The following FKBP5 variants were observed in gnomAD, a reference collection of about 807,000 sequenced individuals.
The protein encoded by FKBP5 is peptidyl-prolyl cis-trans isomerase FKBP5.
Under a neutral mutation model 50.5 loss-of-function variants are expected in FKBP5, and 23 were observed. The ratio of observed to expected loss-of-function variants is 0.46; its 90% CI spans 0.33 to 0.65. FKBP5 has a LOEUF of 0.65. FKBP5 is among the 30% of genes least tolerant of loss of function. The pLI is 0.02. For missense variants in FKBP5, 411 were observed against 553.1 expected (o/e 0.74, Z 2.58); for synonymous variants, 176 against 190.6 (o/e 0.92, Z 0.63).
intron 2 of FKBP5, among the ~76,000 whole-genome samples, chr6:35,637,552 C>T (rs1764353057): frequency 6.7e-6 from 1 of 149,738 alleles, no homozygotes; most frequent in South Asian, 2.1e-4. Context: ...CAACCTCTGC[C>T]TCCCAGGTTG....
upstream of FKBP5, among the ~76,000 whole-genome samples, chr6:35,689,485 C>T (rs183021622): frequency 6.6e-6 from 1 of 152,202 alleles, no homozygotes; most frequent in East Asian, 1.9e-4. Flanking sequence ...AAAGACCATA[C>T]TTTCTCTTGG....
chr6:35,584,816 T>C, intron 8 of FKBP5: 1 of 985,454 alleles, frequency 1.0e-6, no homozygotes, highest in Non-Finnish European at 1.2e-6. Flanking sequence ...ATTTTTTCCA[T>C]GTGTGTGACT....
chr6:35,652,700 T>TGTCCTGTG (rs1325445719), intron 1 of FKBP5, among the ~76,000 whole-genome samples: 1 of 152,228 alleles, frequency 6.6e-6, no homozygotes, highest in African/African-American at 2.4e-5. Flanking sequence ...ATTTCGCCTC[T>TGTCCTGTG]GTCCTGTGGT....
chr6:35,634,395 T>C (rs1017283388), intron 3 of FKBP5, among the ~76,000 whole-genome samples: 1 of 152,212 alleles, frequency 6.6e-6, no homozygotes, highest in African/African-American at 2.4e-5. Flanking sequence ...TGATTTTTAC[T>C]GCTATCTTAT....
chr6:35,702,861 CTG>C (rs1328596171), intron 2 of FKBP5, among the ~76,000 whole-genome samples: 1 of 152,082 alleles, frequency 6.6e-6, no homozygotes, highest in African/African-American at 2.4e-5. Context: ...TAGAAAATCT[CTG>C]TGACTTTGTG....
intron 5 of FKBP5, among the ~76,000 whole-genome samples, chr6:35,617,181 T>C (rs1217883346): frequency 6.6e-6 from 1 of 152,212 alleles, no homozygotes; most frequent in African/African-American, 2.4e-5. Context: ...GGATAAATAA[T>C]ATTTGTAACT....
intron 7 of FKBP5, among the ~76,000 whole-genome samples, chr6:35,588,767 A>ATTTTTTTT (rs758119749): frequency 2.2e-5 from 3 of 135,712 alleles, no homozygotes; most frequent in African/African-American, 8.1e-5. Flanking sequence ...TGTCCAGCTA[A>ATTTTTTTT]TTTTTTTTTT....
In FKBP5 at chr6:35,701,289, G is replaced by A. The variant is rs530938632; in HGVS notation, c.-20+19039C>T. ...GACGGAGTCTCGCTCTGTCGCCCAG[G>A]CTGGAGTGCAGTGGCGGGATCTCGG... On this transcript the variant is annotated intron_variant, in intron 2 of 11. Coordinates refer to the FKBP5 transcript ENST00000536438. Among the ~76,000 whole-genome samples the A allele has an allele frequency of 2.5e-3, 371 of 149,392 alleles. 3 individuals carry two copies. Among genetic ancestry groups the A allele is most frequent in the African/African-American group, 8.7e-3 (353 of 40,742 alleles).
intron 9 of FKBP5, 117 bp from the exon 10 acceptor site, chr6:35,577,350 C>G: frequency 2.2e-6 from 2 of 913,918 alleles, no homozygotes; most frequent in South Asian, 1.8e-5. Context: ...AAATGGGGCT[C>G]AAGATAATTA....
At chr6:35,697,559 A>AAG (rs1489185219) in intron 2 of FKBP5, among the ~76,000 whole-genome samples, 1 of 151,864 alleles carries the variant, frequency 6.6e-6, no homozygotes, top group Non-Finnish European at 1.5e-5. Context: ...AAAAAAAAAA[A>AAG]AAAAAGAATG....
chr6:35,642,376 T>C (rs1157406376), intron 2 of FKBP5, among the ~76,000 whole-genome samples: 2 of 152,164 alleles, frequency 1.3e-5, no homozygotes, highest in South Asian at 2.1e-4. Flanking sequence ...GGTGGGAGGA[T>C]TGCTTGAGGC....
intron 9 of FKBP5, among the ~76,000 whole-genome samples, chr6:35,577,977 C>T (rs1003368944): frequency 6.7e-6 from 1 of 149,550 alleles, no homozygotes; most frequent in Non-Finnish European, 1.5e-5. Context: ...TTGCTTGAAC[C>T]AGGGAGGTGG....
intron 8 of FKBP5, chr6:35,584,564 A>G: frequency 1.0e-6 from 1 of 985,456 alleles, no homozygotes. Context: ...TTGGGAAGGG[A>G]ATATGTACAG....
intron 1 of FKBP5, among the ~76,000 whole-genome samples, chr6:35,685,654 C>A (rs1765800857): frequency 6.6e-6 from 1 of 152,116 alleles, no homozygotes; most frequent in African/African-American, 2.4e-5. Context: ...AGGAATTCTT[C>A]ATGCCGGGTA....
At chr6:35,582,409 A>G (rs955840756) in intron 8 of FKBP5, 2 of 609,542 alleles carry the variant, frequency 3.3e-6, no homozygotes, top group Non-Finnish European at 4.1e-6. Flanking sequence ...AGATGTGGTC[A>G]TGAGGGTGGG....
At chr6:35,642,870 G>A in intron 1 of FKBP5, 27 bp from the exon 2 acceptor site, 1 of 1,506,588 alleles carries the variant, frequency 6.6e-7, no homozygotes, top group Non-Finnish European at 9.2e-7. Context: ...TATTTTAGCT[G>A]GGAAAAATAT....
At chr6:35,667,566 C>G (rs1765266989) in intron 1 of FKBP5, among the ~76,000 whole-genome samples, 1 of 152,186 alleles carries the variant, frequency 6.6e-6, no homozygotes, top group African/African-American at 2.4e-5. Flanking sequence ...AACAAGCACT[C>G]TTTCAAATAA....
chr6:35,586,674 C>A, intron 8 of FKBP5: 1 of 1,053,498 alleles, frequency 9.5e-7, no homozygotes, highest in Non-Finnish European at 1.1e-6. Flanking sequence ...TCTTTGCTAA[C>A]AATTATTCTA....
intron 8 of FKBP5, chr6:35,581,954 A>C: frequency 1.0e-6 from 1 of 985,442 alleles, no homozygotes; most frequent in Non-Finnish European, 1.2e-6. Context: ...TAAGAGAAAA[A>C]CCATAGAGCA....
Sources: allele counts gnomAD v4.1 joint callset (sites outside exome capture counted in the v4.1 genomes callset), GRCh38; gene constraint gnomAD v4.1.1; transcripts MANE v1.5; gene names NCBI Gene and HGNC (gene_info 2026-07-23, HGNC 2026-07-21).